Variants in ERI2 observed in about 807,000 individuals in gnomAD.
ERI2 encodes the protein ERI1 exoribonuclease 2.
A neutral mutation model predicts 46.8 loss-of-function variants in ERI2; 35 were observed. The observed-to-expected ratio is 0.75, with a 90% CI of 0.57 to 0.99. ERI2 has a LOEUF of 0.99. Ranked by LOEUF, ERI2 falls within the 50% of genes least tolerant of loss-of-function variation. The probability of loss-of-function intolerance (pLI) is 0.00; values close to 1 mark genes in which losing one functional copy is unlikely to be tolerated. For synonymous variants in ERI2, 224 were observed against 271.0 expected (o/e 0.83, Z 1.70); for missense variants, 695 against 796.2 (o/e 0.87, Z 1.53).
intron 4 of ERI2, 122 bp downstream of exon 4, chr16:20,802,674 A>G (rs2080809173): frequency 8.5e-7 from 1 of 1,173,350 alleles, no homozygotes; most frequent in Non-Finnish European, 1.1e-6. Flanking sequence ...CAGCCTGCAA[A>G]GTGCTGGGAT....
chr16:20,806,343 T>C, intron 1 of ERI2, 65 bp downstream of exon 1: 1 of 1,543,722 alleles, frequency 6.5e-7, no homozygotes, highest in African/African-American at 1.4e-5. Context: ...CGTGCCCTGC[T>C]CTGCGGCCAA....
rs2080736563 is a variant in ERI2 at position 20,797,021 on chromosome 16, A to C, written c.*703T>G. The C allele has an allele frequency of 1.3e-6, 2 of 1,592,072 alleles. No individual in the cohort carries two copies. The highest frequency in any genetic ancestry group is 1.7e-6 in the Non-Finnish European group (2 of 1,172,324). On this transcript the variant is annotated 3_prime_UTR_variant, in exon 9 of 9. Transcript: ENST00000357967. Reference sequence around the variant, plus strand: ...CTATAAAACAAACATAGTATCTGTCAATCTCTAGAAACCACAAGATGATGG... The same window carrying C: ...CTATAAAACAAACATAGTATCTGTCCATCTCTAGAAACCACAAGATGATGG...
chr16:20,803,376 T>C, intron 3 of ERI2, 57 bp downstream of exon 3: 1 of 1,557,726 alleles, frequency 6.4e-7, no homozygotes, highest in Non-Finnish European at 8.7e-7. Context: ...TTCAGATCTA[T>C]AAACTTTAAA....
chr16:20,788,518 C>T (rs1452373850), intron 10 of ERI2, among the ~76,000 whole-genome samples: 8 of 152,164 alleles, frequency 5.3e-5, no homozygotes, highest in South Asian at 2.1e-4. Context: ...CTCTTTTCCA[C>T]GGGCCGTTAT....
chr16:20,805,086 C>A (rs184513589), intron 1 of ERI2, among the ~76,000 whole-genome samples: 34 of 152,166 alleles, frequency 2.2e-4, no homozygotes, highest in Admixed American at 5.2e-4. Flanking sequence ...ATATGCACAG[C>A]GCATCCAGGA....
chr16:20,800,446 C>A, intron 5 of ERI2, 44 bp from the exon 6 acceptor site: 1 of 1,199,598 alleles, frequency 8.3e-7, no homozygotes, highest in African/African-American at 1.5e-5. Context: ...ATGATGCCAG[C>A]ATTTTTTACT....
At chr16:20,791,383 T>C (rs1171439224), downstream of ERI2, among the ~76,000 whole-genome samples, 3 of 152,210 alleles carry the variant, frequency 2.0e-5, no homozygotes, top group Non-Finnish European at 4.4e-5. Flanking sequence ...CCTACCAGCA[T>C]TATCTATTAA....
chr16:20,794,520 C>T (rs973119532), downstream of ERI2, among the ~76,000 whole-genome samples: 11 of 152,102 alleles, frequency 7.2e-5, no homozygotes, highest in African/African-American at 9.7e-5. Context: ...AATAGACACA[C>T]GTGGCTAGCA....
At chr16:20,784,982 A>G (rs2080439296) in intron 10 of ERI2, 1 of 1,607,752 alleles carries the variant, frequency 6.2e-7, no homozygotes, top group Admixed American at 1.7e-5. Flanking sequence ...TTTTCTGAGA[A>G]GCTATAAGTT....
Position 20,790,587 on chromosome 16 carries a change from A to C in ERI2, c.815+263T>G, listed in dbSNP as rs2152484973. The C allele has an allele frequency of 6.2e-7, 1 of 1,612,960 alleles. No individual in the cohort carries two copies. Among genetic ancestry groups the C allele is most frequent in the East Asian group, 2.2e-5 (1 of 44,866 alleles). ...AATAAATTGTTCTATTTTATCCTAG[A>C]TTGTAGATGTAAATGGCAATGTTCT... On this transcript the variant is annotated intron_variant, in intron 9 of 10. Coordinates refer to the ERI2 transcript ENST00000300005. This position sits in a 1 kb window ranked among gnomAD's most constrained non-coding sequence, Gnocchi z 4.0.
At chr16:20,805,433 A>C (rs977318751) in intron 1 of ERI2, among the ~76,000 whole-genome samples, 1 of 152,030 alleles carries the variant, frequency 6.6e-6, no homozygotes, top group Non-Finnish European at 1.5e-5. Flanking sequence ...AAAAAAAAAA[A>C]AGATCACTAG....
chr16:20,799,206 C>CG (rs2080769740), intron 8 of ERI2, 57 bp downstream of exon 8: 1 of 1,592,458 alleles, frequency 6.3e-7, no homozygotes, highest in Non-Finnish European at 8.6e-7. Flanking sequence ...TTTCAAAGAA[C>CG]GTATGACTGT....
rs770579315 is a variant in ERI2, at chr16:20,790,983, CA to C, written c.733-52del. 7 of 1,569,968 alleles carry C rather than the reference CA, an allele frequency of 4.5e-6. 1 individual carries two copies. In the South Asian group the frequency reaches 7.9e-5, roughly 18 times the overall value. On this transcript the variant is annotated intron_variant, in intron 8 of 10. Transcript: ENST00000300005. This position sits in a 1 kb window ranked among gnomAD's most constrained non-coding sequence, Gnocchi z 4.0. ...TCCCCTGATCCTCTCAATTATCAAA[CA>C]AAACCCACTCATTTTCCTGAAATCC...
At position 20,801,137 on chromosome 16, in the gene ERI2, G is replaced by C. The variant is rs2080791311; in HGVS notation, c.460+66C>G. On this transcript the variant is annotated intron_variant, in intron 5 of 8. Coordinates refer to ENST00000357967, the MANE Select transcript of ERI2 (RefSeq NM_001142725.2). ...TTCTAGGTTAGCAAGTATAAAACTA[G>C]AAATAAAGAATTACATAGTGGTAAT... The C allele has an allele frequency of 3.0e-6, 4 of 1,325,070 alleles. No individual in the cohort carries two copies. The South Asian group carries it at 8.5e-5, about 28-fold the overall frequency. The allele number at this position is 1,325,070 out of a possible 1,614,324, so 82.1% of individuals were successfully genotyped here.
rs536999427 is a variant in ERI2, at chr16:20,786,448, A to C, written c.894+3031T>G. The C allele has an allele frequency of 5.6e-4, 238 of 425,324 alleles. 1 individual carries two copies. The highest frequency in any genetic ancestry group is 4.5e-3 in the African/African-American group (222 of 48,826). 26.3% of individuals were successfully genotyped at this position (425,324 alleles called of 1,614,324 possible). ...GTAATCCCAACACTTTGGGAGGCCA[A>C]GGCGGGAGCATCACTTGAGCCCAGG... is the stretch of plus-strand genomic sequence containing the variant. On this transcript the variant is annotated intron_variant, in intron 10 of 10. Transcript: ENST00000300005.
intron 1 of ERI2, 96 bp downstream of exon 1, chr16:20,806,312 C>G: frequency 6.6e-7 from 1 of 1,513,174 alleles, no homozygotes; most frequent in South Asian, 1.2e-5. Context: ...AATAGAGGCC[C>G]TCACCGCAGA....
downstream of ERI2, chr16:20,792,110 G>A (rs1343740989): frequency 1.9e-6 from 3 of 1,614,002 alleles, no homozygotes; most frequent in East Asian, 4.5e-5. Flanking sequence ...AAGAGCAGAT[G>A]ATGTCATATT....
chr16:20,792,808 G>A (rs2080631442), downstream of ERI2: 2 of 673,784 alleles, frequency 3.0e-6, no homozygotes, highest in African/African-American at 3.9e-5. Flanking sequence ...AATAAGTAGA[G>A]ATTTCAGGAA....
downstream of ERI2, among the ~76,000 whole-genome samples, chr16:20,791,408 A>G (rs1384988294): frequency 6.6e-6 from 1 of 152,226 alleles, no homozygotes; most frequent in East Asian, 1.9e-4. Flanking sequence ...TTAGCAAAAG[A>G]CTTAATTTAG....
Sources: gnomAD v4.1 joint callset for allele counts (sites outside exome capture counted in the v4.1 genomes callset) on GRCh38, gnomAD v4.1.1 for gene constraint, Gnocchi (gnomAD v3.1) non-coding constraint, MANE v1.5 for transcripts, NCBI Gene and HGNC (gene_info 2026-07-23, HGNC 2026-07-21) for gene names.